The following RALYL variants were observed in gnomAD, a reference collection of about 807,000 sequenced individuals.
The protein encoded by RALYL is RALY RNA binding protein like, also known as RNA-binding Raly-like protein.
A neutral mutation model predicts 35.1 loss-of-function variants in RALYL; 29 were observed. The observed-to-expected ratio is 0.83, with a 90% CI of 0.61 to 1.13. RALYL has a LOEUF of 1.13. Ranked by LOEUF, RALYL falls within the 50% of genes most tolerant of loss-of-function variation. The pLI, the probability that RALYL is intolerant of heterozygous loss-of-function variation, is 0.00. For synonymous variants in RALYL, 120 were observed against 127.6 expected, an observed-to-expected ratio of 0.94 and a Z score of 0.40; for missense variants, 359 against 360.4, an observed-to-expected ratio of 1.00 and a Z score of 0.03.
intron 1 of RALYL, among the ~76,000 whole-genome samples, chr8:84,508,614 A>C (rs1191385715): frequency 6.6e-6 from 1 of 152,112 alleles, no homozygotes; most frequent in Non-Finnish European, 1.5e-5. Context: ...AAACTTCTTA[A>C]GTTAGTACTG....
chr8:84,497,351 A>G (rs1248914682), intron 1 of RALYL, among the ~76,000 whole-genome samples: 3 of 152,122 alleles, frequency 2.0e-5, no homozygotes, highest in Non-Finnish European at 4.4e-5. Flanking sequence ...TGGTGACTAT[A>G]CCTTCTAGTA....
At chr8:84,479,085 CAAAAAAAAAAAAAAAAAAAA>C (rs56799862) in intron 1 of RALYL, among the ~76,000 whole-genome samples, 2 of 21,824 alleles carry the variant, frequency 9.2e-5, no homozygotes, top group Admixed American at 9.5e-4. Flanking sequence ...GACTCCGTCT[CAAAAAAAAAAAAAAAAAAAA>C]AAAAAAAAAA....
intron 1 of RALYL, among the ~76,000 whole-genome samples, chr8:84,186,432 G>A (rs931997824): frequency 8.5e-5 from 13 of 152,146 alleles, no homozygotes; most frequent in Non-Finnish European, 1.6e-4. Context: ...CAATTTATGT[G>A]TATAATATAT....
At chr8:84,182,811 G>GAGGCAA (rs971658053), upstream of RALYL, 1 of 152,628 alleles carries the variant, frequency 6.6e-6, no homozygotes, top group Admixed American at 6.5e-5. Flanking sequence ...GGGAACAGCA[G>GAGGCAA]AGGCAAAGGC....
intron 2 of RALYL, among the ~76,000 whole-genome samples, chr8:84,688,834 G>T (rs1589021749): frequency 6.6e-6 from 1 of 151,940 alleles, no homozygotes; most frequent in Non-Finnish European, 1.5e-5. Context: ...ATCTCAAAAT[G>T]GGTTAATATC....
intron 1 of RALYL, among the ~76,000 whole-genome samples, chr8:84,310,599 A>C (rs1842583333): frequency 6.6e-6 from 1 of 152,220 alleles, no homozygotes; most frequent in African/African-American, 2.4e-5. Flanking sequence ...AATATAAACA[A>C]GGATGAAAAT....
intron 1 of RALYL, among the ~76,000 whole-genome samples, chr8:84,453,845 A>C (rs2049807885): frequency 6.6e-6 from 1 of 152,022 alleles, no homozygotes. Context: ...GCAGAGAAAG[A>C]ATATTTTAAA....
At chr8:84,229,014 C>T (rs573584194) in intron 1 of RALYL, among the ~76,000 whole-genome samples, 1 of 152,166 alleles carries the variant, frequency 6.6e-6, no homozygotes, top group African/African-American at 2.4e-5. Flanking sequence ...TCCCCACATT[C>T]AAGATGCATG....
At chr8:84,761,289 C>G (rs1040491180) in intron 2 of RALYL, among the ~76,000 whole-genome samples, 34 of 134,524 alleles carry the variant, frequency 2.5e-4, no homozygotes, top group African/African-American at 8.9e-4. Context: ...AGAAATAATA[C>G]AGAAAAATTA....
At chr8:84,703,215 G>A (rs987444178) in intron 2 of RALYL, among the ~76,000 whole-genome samples, 1 of 152,034 alleles carries the variant, frequency 6.6e-6, no homozygotes, top group African/African-American at 2.4e-5. Flanking sequence ...TATATGTAAG[G>A]TCCCCAATCC....
chr8:84,608,989 G>T (rs1401637303), intron 2 of RALYL, among the ~76,000 whole-genome samples: 2 of 151,816 alleles, frequency 1.3e-5, no homozygotes, highest in African/African-American at 2.4e-5. Context: ...GAAGCAATTT[G>T]CCCCCAATCC....
At chr8:84,621,146 T>G (rs1821311486) in intron 2 of RALYL, among the ~76,000 whole-genome samples, 1 of 152,192 alleles carries the variant, frequency 6.6e-6, no homozygotes, top group Non-Finnish European at 1.5e-5. Flanking sequence ...CTGCTCTGTT[T>G]ACCTAAGCAC....
chr8:84,469,214 G>T (rs1229644728), intron 1 of RALYL, among the ~76,000 whole-genome samples: 4 of 152,092 alleles, frequency 2.6e-5, no homozygotes, highest in African/African-American at 9.7e-5. Flanking sequence ...AGGAGGAGAG[G>T]CTCTCTGCTT....
chr8:84,467,921 C>A (rs887562360), intron 1 of RALYL, among the ~76,000 whole-genome samples: 11 of 137,002 alleles, frequency 8.0e-5, no homozygotes, highest in Admixed American at 5.9e-4. Flanking sequence ...CTCTTTTGAT[C>A]TTTGTTGGTT....
intron 1 of RALYL, among the ~76,000 whole-genome samples, chr8:84,498,956 G>T (rs368048619): frequency 3.3e-5 from 5 of 151,908 alleles, no homozygotes; most frequent in African/African-American, 1.2e-4. Context: ...AGGAAATAAA[G>T]GAAAAAGTGA....
intron 1 of RALYL, among the ~76,000 whole-genome samples, chr8:84,415,490 G>A (rs965613022): frequency 1.3e-5 from 2 of 151,838 alleles, no homozygotes; most frequent in African/African-American, 4.8e-5. Context: ...GACCCGCCTC[G>A]GCCTCCCAAA....
intron 1 of RALYL, among the ~76,000 whole-genome samples, chr8:84,250,053 C>T (rs1829878576): frequency 1.3e-5 from 2 of 151,710 alleles, no homozygotes; most frequent in Non-Finnish European, 1.5e-5. Context: ...TTACAATATC[C>T]AGTGTCCTGC....
chr8:84,232,549 T>C (rs1825606610), intron 1 of RALYL, among the ~76,000 whole-genome samples: 1 of 152,162 alleles, frequency 6.6e-6, no homozygotes, highest in South Asian at 2.1e-4. Context: ...TTTATAACAA[T>C]ATATTATATT....
chr8:84,363,694 G>T (rs148663253), intron 1 of RALYL, among the ~76,000 whole-genome samples: 2 of 152,146 alleles, frequency 1.3e-5, no homozygotes, highest in Admixed American at 1.3e-4. Context: ...GTTGGGAAGC[G>T]TAAAAACGGA....
Sources: allele counts gnomAD v4.1 joint callset (sites outside exome capture counted in the v4.1 genomes callset), GRCh38; gene constraint gnomAD v4.1.1; transcripts MANE v1.5; gene names NCBI Gene and HGNC (gene_info 2026-07-23, HGNC 2026-07-21).